The following GFPT2 variants were observed in gnomAD, a reference collection of about 807,000 sequenced individuals.
The protein encoded by GFPT2 is glutamine--fructose-6-phosphate transaminase 2.
A neutral mutation model predicts 85.6 loss-of-function variants in GFPT2; 62 were observed. The ratio of observed to expected loss-of-function variants is 0.72; its 90% CI spans 0.59 to 0.90. The LOEUF is 0.90. Among genes scored for constraint, GFPT2 ranks in the 40% least tolerant of loss-of-function variants. The probability of loss-of-function intolerance (pLI) is 0.00; values close to 1 mark genes in which losing one functional copy is unlikely to be tolerated. For missense variants in GFPT2, 788 were observed against 893.4 expected (o/e 0.88, Z 1.50); for synonymous variants, 368 against 344.5 (o/e 1.07, Z -0.75).
chr5:180,335,530 C>T (rs879779033), intron 4 of GFPT2, among the ~76,000 whole-genome samples: 1 of 152,236 alleles, frequency 6.6e-6, no homozygotes, highest in Non-Finnish European at 1.5e-5. Context: ...CTCACGCGGC[C>T]TCATCCCACT....
intron 4 of GFPT2, among the ~76,000 whole-genome samples, chr5:180,334,953 G>T (rs1764367801): frequency 1.3e-5 from 2 of 152,244 alleles, no homozygotes; most frequent in Non-Finnish European, 2.9e-5. Context: ...CCCCATGAGA[G>T]GGGGCAAGGG....
At chr5:180,344,558 C>A (rs756070926) in intron 1 of GFPT2, among the ~76,000 whole-genome samples, 1 of 152,218 alleles carries the variant, frequency 6.6e-6, no homozygotes, top group Non-Finnish European at 1.5e-5. Context: ...GCCTGGTTCA[C>A]CTGGATTTCC....
In GFPT2 at chr5:180,302,447, G is replaced by A; in HGVS notation, c.1980C>T (p.His660=). The A allele has an allele frequency of 1.2e-6, 2 of 1,613,954 alleles. No individual in the cohort carries two copies. Among genetic ancestry groups the A allele is most frequent in the Non-Finnish European group, 1.7e-6 (2 of 1,179,958 alleles). The part of the protein sequence containing the change: ...SVIPLQLLSF[H]LAVLRGYDVD... ...CGTCATATCCTCGGAGAACAGCCAGGTGGAAGGACAGCAGCTGCAGCGGAA... is the reference window on the plus strand; with the variant it reads ...CGTCATATCCTCGGAGAACAGCCAGATGGAAGGACAGCAGCTGCAGCGGAA... Residue 660 remains histidine (H), a synonymous_variant, in exon 18 of 19, where the codon CAC becomes CAT. Coordinates refer to ENST00000253778, the MANE Select transcript of GFPT2 (RefSeq NM_005110.4).
At chr5:180,353,143 G>T (rs570784614) in intron 1 of GFPT2, 68 bp downstream of exon 1, 3 of 1,207,868 alleles carry the variant, frequency 2.5e-6, no homozygotes, top group South Asian at 4.2e-5. Flanking sequence ...GCGGAGGCGC[G>T]GAGAGGCTGC....
intron 15 of GFPT2, among the ~76,000 whole-genome samples, chr5:180,312,068 GGGGAGGCTGAGGACCA>G (rs1763900903): frequency 3.9e-4 from 13 of 33,576 alleles, no homozygotes; most frequent in Non-Finnish European, 7.2e-4. Context: ...GCAGGGAGGC[GGGGAGGCTGAGGACCA>G]GGGAGGCAGG....
chr5:180,310,317 G>T (rs190122237), intron 15 of GFPT2, among the ~76,000 whole-genome samples: 16 of 151,974 alleles, frequency 1.1e-4, no homozygotes, highest in Non-Finnish European at 2.1e-4. Context: ...TGGCCAGGCT[G>T]GTCTCGAACT....
intron 13 of GFPT2, 66 bp from the exon 14 acceptor site, chr5:180,314,030 T>A: frequency 6.9e-7 from 1 of 1,444,320 alleles, no homozygotes; most frequent in East Asian, 2.6e-5. Flanking sequence ...AACCCCTTCC[T>A]CCTTCACCGC....
intron 1 of GFPT2, 135 bp downstream of exon 1, chr5:180,353,076 G>A: frequency 1.4e-6 from 1 of 705,048 alleles, no homozygotes. Flanking sequence ...ACAGCCCCTC[G>A]GTAGGGGCCC....
At position 180,308,137 on chromosome 5, in the gene GFPT2, T is replaced by A. The variant is rs1763814586; in HGVS notation, c.1547-834A>T. ...CGGGCATGGTGGCGGGCGCCTGTAG[T>A]CCCAGCTACTCGGGAGGCTGAGGCA... On this transcript the variant is annotated intron_variant, in intron 15 of 18. Transcript: ENST00000253778. 3.9e-5 allele frequency among the ~76,000 whole-genome samples: 6 copies of A among 152,082 alleles called. No individual in the cohort carries two copies. The South Asian group carries it at 1.0e-3, about 26-fold the overall frequency.
intron 1 of GFPT2, among the ~76,000 whole-genome samples, chr5:180,350,677 G>A (rs141519437): frequency 4.4e-4 from 64 of 146,026 alleles, no homozygotes; most frequent in Non-Finnish European, 8.5e-4. Flanking sequence ...ATTTTCTGTC[G>A]CAGAAAGTCA....
At chr5:180,348,508 C>G (rs888790681) in intron 1 of GFPT2, among the ~76,000 whole-genome samples, 1 of 152,222 alleles carries the variant, frequency 6.6e-6, no homozygotes, top group South Asian at 2.1e-4. Flanking sequence ...TGTGATCCCA[C>G]GCCAGGCTCT....
intron 18 of GFPT2, 109 bp from the exon 19 acceptor site, chr5:180,301,717 G>A: frequency 1.1e-6 from 1 of 891,378 alleles, no homozygotes; most frequent in Non-Finnish European, 1.9e-6. Context: ...TGTTCACCAT[G>A]GTCACCAACC....
intron 1 of GFPT2, among the ~76,000 whole-genome samples, chr5:180,349,908 T>G (rs2127659070): frequency 6.6e-6 from 1 of 151,514 alleles, no homozygotes; most frequent in South Asian, 2.1e-4. Context: ...CACAGATTAC[T>G]AAGTGCAGTA....
At chr5:180,350,067 G>T (rs1463195082) in intron 1 of GFPT2, among the ~76,000 whole-genome samples, 1 of 152,042 alleles carries the variant, frequency 6.6e-6, no homozygotes, top group African/African-American at 2.4e-5. Context: ...CTCTCTGCAG[G>T]GCCCGTGCTC....
chr5:180,313,879 G>A lies in GFPT2; in HGVS notation c.1359C>T (p.Ser453=), dbSNP rs947850125. The change falls in exon 14 of 19, where the codon AGC becomes AGT. Residue 453 remains serine (S), a synonymous_variant. Transcript: ENST00000253778. The part of the protein sequence containing the change: ...LTVGVTNTVG[S]SISRETDCGV... ...CGCAGTCGGTCTCGCGAGAGATGGAGCTGCCCACGGTGTTGGTGACGCCCA... is the reference window on the plus strand; with the variant it reads ...CGCAGTCGGTCTCGCGAGAGATGGAACTGCCCACGGTGTTGGTGACGCCCA... 1 of 1,606,270 alleles carries A rather than the reference G, an allele frequency of 6.2e-7. No individual in the cohort carries two copies. Among genetic ancestry groups the A allele is most frequent in the Non-Finnish European group, 8.5e-7 (1 of 1,179,050 alleles).
At chr5:180,313,769 A>AGGCTCTCCCTGGGACGGGCGCCCGT in intron 14 of GFPT2, 38 bp downstream of exon 14, 1 of 1,519,392 alleles carries the variant, frequency 6.6e-7, no homozygotes, top group Non-Finnish European at 8.8e-7. Context: ...TGCCTCCGCC[A>AGGCTCTCCCTGGGACGGGCGCCCGT]GGCTCTCCCT....
intron 17 of GFPT2, among the ~76,000 whole-genome samples, chr5:180,302,967 C>T (rs113527682): frequency 0.11 from 16,172 of 152,086 alleles, 1,010 homozygotes; most frequent in East Asian, 0.22. Flanking sequence ...TGGTGGCTCA[C>T]GCCTGTAATC....
chr5:180,345,761 GGAATGCCAGA>G (rs1182424238), intron 1 of GFPT2, among the ~76,000 whole-genome samples: 1 of 152,164 alleles, frequency 6.6e-6, no homozygotes, highest in Non-Finnish European at 1.5e-5. Context: ...AACAGATGGA[GGAATGCCAGA>G]GAAGGTAGCC....
chr5:180,324,392 A>G (rs1332783564), intron 8 of GFPT2, 87 bp from the exon 9 acceptor site: 4 of 801,404 alleles, frequency 5.0e-6, no homozygotes, highest in Non-Finnish European at 4.1e-6. Flanking sequence ...CCCTCTGAAT[A>G]TGTGTGGGAG....
Sources: gnomAD v4.1 joint callset for allele counts (sites outside exome capture counted in the v4.1 genomes callset) on GRCh38, gnomAD v4.1.1 for gene constraint, MANE v1.5 for transcripts, NCBI Gene and HGNC (gene_info 2026-07-23, HGNC 2026-07-21) for gene names.